Variants in KIAA1328 observed in about 807,000 individuals in gnomAD.
KIAA1328 encodes the protein KIAA1328, also known as protein hinderin.
A neutral mutation model predicts 68.1 loss-of-function variants in KIAA1328; 52 were observed. The ratio of observed to expected loss-of-function variants is 0.76; its 90% CI spans 0.61 to 0.96. KIAA1328 has a LOEUF of 0.96. Among genes scored for constraint, KIAA1328 ranks in the 40% least tolerant of loss-of-function variants. The pLI is 0.00. For synonymous variants in KIAA1328, 232 were observed against 239.4 expected (o/e 0.97, Z 0.28); for missense variants, 641 against 677.6 (o/e 0.95, Z 0.60).
At chr18:37,206,114 G>A (rs2060210828) in intron 9 of KIAA1328, among the ~76,000 whole-genome samples, 1 of 152,026 alleles carries the variant, frequency 6.6e-6, no homozygotes, top group Non-Finnish European at 1.5e-5. Flanking sequence ...TTTGAGAGAA[G>A]GAAATGTATA....
chr18:37,056,303 T>C (rs1001734042), intron 6 of KIAA1328, among the ~76,000 whole-genome samples: 1 of 152,216 alleles, frequency 6.6e-6, no homozygotes, highest in Non-Finnish European at 1.5e-5. Context: ...CTTTAAAACA[T>C]TGTATTTTTA....
intron 6 of KIAA1328, among the ~76,000 whole-genome samples, chr18:36,979,343 G>A (rs1003269268): frequency 2.6e-5 from 4 of 152,032 alleles, no homozygotes; most frequent in Non-Finnish European, 2.9e-5. Flanking sequence ...GGCAGACTAA[G>A]AAGTAAATTT....
At chr18:37,034,008 A>G (rs982809144) in intron 6 of KIAA1328, among the ~76,000 whole-genome samples, 1 of 152,142 alleles carries the variant, frequency 6.6e-6, no homozygotes, top group Non-Finnish European at 1.5e-5. Context: ...TAATTTTCTA[A>G]TTTTTTCTCC....
rs553521940 is a variant in KIAA1328 at position 36,908,843 on chromosome 18, C to T, written c.448+23171C>T. 2.0e-5 allele frequency among the ~76,000 whole-genome samples: 3 copies of T among 152,062 alleles called. No homozygotes were observed. The South Asian group carries it at 6.2e-4, about 32-fold the overall frequency. On this transcript the variant is annotated intron_variant, in intron 5 of 9. Transcript: ENST00000280020. ...AAATTATGTTAATTGAGCAGTTCTC[C>T]CCCTTTTTATAATGTACAGCATTAT...
intron 5 of KIAA1328, among the ~76,000 whole-genome samples, chr18:36,896,673 G>A (rs1359925836): frequency 6.6e-6 from 1 of 152,070 alleles, no homozygotes; most frequent in Non-Finnish European, 1.5e-5. Context: ...AACCTGTATA[G>A]CATCATTTAA....
intron 5 of KIAA1328, among the ~76,000 whole-genome samples, chr18:36,930,719 C>T (rs1366637265): frequency 1.3e-5 from 2 of 151,960 alleles, no homozygotes; most frequent in East Asian, 1.9e-4. Context: ...AACAACTGGT[C>T]TCCTACTGTG....
At chr18:37,031,105 C>T (rs1449841882) in intron 6 of KIAA1328, among the ~76,000 whole-genome samples, 7 of 152,132 alleles carry the variant, frequency 4.6e-5, no homozygotes, top group Non-Finnish European at 8.8e-5. Flanking sequence ...TGGTTGGTTC[C>T]AAGTCTTTGC....
chr18:37,115,172 G>A (rs549540920), intron 7 of KIAA1328, among the ~76,000 whole-genome samples: 1 of 152,288 alleles, frequency 6.6e-6, no homozygotes. Context: ...TATGAGGCCA[G>A]CATCATCCTG....
chr18:37,002,637 G>C (rs1488211811), intron 6 of KIAA1328, among the ~76,000 whole-genome samples: 1 of 151,926 alleles, frequency 6.6e-6, no homozygotes, highest in Non-Finnish European at 1.5e-5. Context: ...ATTTAGCCTA[G>C]GATGTGAAAG....
At chr18:37,040,137 AG>A (rs2055189098) in intron 6 of KIAA1328, among the ~76,000 whole-genome samples, 1 of 152,196 alleles carries the variant, frequency 6.6e-6, no homozygotes. Context: ...TTTTGTTTTA[AG>A]GGCTTGTGTG....
chr18:37,154,440 A>C (rs2154210492), intron 7 of KIAA1328, among the ~76,000 whole-genome samples: 1 of 152,284 alleles, frequency 6.6e-6, no homozygotes, highest in Middle Eastern at 3.4e-3. Context: ...ATTTATGTGA[A>C]TCTAAATATA....
At chr18:37,221,259 T>C (rs2060557435) in intron 9 of KIAA1328, among the ~76,000 whole-genome samples, 1 of 152,194 alleles carries the variant, frequency 6.6e-6, no homozygotes, top group Non-Finnish European at 1.5e-5. Flanking sequence ...CTAGAAAAAG[T>C]GGAAGGGGGT....
chr18:36,870,999 G>A (rs2047925803), intron 4 of KIAA1328, among the ~76,000 whole-genome samples: 1 of 152,180 alleles, frequency 6.6e-6, no homozygotes, highest in South Asian at 2.1e-4. Context: ...AGCTGTGGCT[G>A]CCCCAGGTTA....
At chr18:37,189,724 A>G (rs567266621) in intron 9 of KIAA1328, among the ~76,000 whole-genome samples, 5 of 152,262 alleles carry the variant, frequency 3.3e-5, no homozygotes, top group African/African-American at 1.2e-4. Flanking sequence ...GGCTATTTAT[A>G]TGGGTTAGGG....
chr18:37,138,943 T>G (rs2058703504), intron 7 of KIAA1328, among the ~76,000 whole-genome samples: 1 of 142,770 alleles, frequency 7.0e-6, no homozygotes, highest in African/African-American at 2.6e-5. Flanking sequence ...GTATGAAATT[T>G]TGTTCTTTTT....
At chr18:36,956,624 T>G (rs1304889014) in intron 5 of KIAA1328, among the ~76,000 whole-genome samples, 1 of 152,082 alleles carries the variant, frequency 6.6e-6, no homozygotes, top group Non-Finnish European at 1.5e-5. Context: ...TGTTTTTATA[T>G]TCTCCCACAT....
chr18:37,185,756 T>C (rs751276353), intron 9 of KIAA1328, among the ~76,000 whole-genome samples: 16 of 151,442 alleles, frequency 1.1e-4, no homozygotes, highest in Non-Finnish European at 2.1e-4. Flanking sequence ...CACACACACA[T>C]ACCACTTTTA....
chr18:37,114,859 A>G (rs1466203851), intron 7 of KIAA1328, among the ~76,000 whole-genome samples: 5 of 152,224 alleles, frequency 3.3e-5, no homozygotes, highest in Non-Finnish European at 7.3e-5. Context: ...CAGAAATACA[A>G]ACTACCATCA....
intron 7 of KIAA1328, among the ~76,000 whole-genome samples, chr18:37,128,203 T>C (rs972524506): frequency 7.9e-5 from 12 of 152,322 alleles, no homozygotes; most frequent in African/African-American, 2.4e-4. Context: ...GCATGGTGAC[T>C]CATGCCTGTA....
Sources: allele counts gnomAD v4.1 joint callset (sites outside exome capture counted in the v4.1 genomes callset), GRCh38; gene constraint gnomAD v4.1.1; transcripts MANE v1.5; gene names NCBI Gene and HGNC (gene_info 2026-07-23, HGNC 2026-07-21).